The following WWOX variants were observed in gnomAD, a reference collection of about 807,000 sequenced individuals.
WWOX encodes the protein WW domain containing oxidoreductase, also known as WW domain-containing oxidoreductase.
In WWOX, 69 loss-of-function variants were observed where a neutral mutation model predicts 46.2. The observed-to-expected ratio is 1.49, with a 90% confidence interval of 1.23 to 1.82. The LOEUF is 1.82. WWOX is among the 40% of genes most tolerant of loss of function. The pLI is 0.00. For synonymous variants in WWOX, 359 were observed against 202.6 expected (o/e 1.77, Z -6.56); for missense variants, 919 against 542.6 (o/e 1.69, Z -6.89).
At chr16:78,538,421 G>C (rs1226879696) in intron 8 of WWOX, among the ~76,000 whole-genome samples, 1 of 152,034 alleles carries the variant, frequency 6.6e-6, no homozygotes, top group East Asian at 1.9e-4. Flanking sequence ...TGCAAGTTGA[G>C]GCCTGGTGTA....
intron 5 of WWOX, among the ~76,000 whole-genome samples, chr16:78,226,760 C>T (rs2037073811): frequency 6.6e-6 from 1 of 152,046 alleles, no homozygotes; most frequent in Admixed American, 6.5e-5. Context: ...GATGGGCACA[C>T]TATTACAGGT....
intron 8 of WWOX, among the ~76,000 whole-genome samples, chr16:78,724,497 T>A (rs982066671): frequency 5.3e-5 from 8 of 152,220 alleles, no homozygotes; most frequent in African/African-American, 1.9e-4. Context: ...TGTTTACGGT[T>A]ACTGATATTA....
chr16:78,361,986 A>ATTTTTTTTTT (rs1567525098), intron 5 of WWOX, among the ~76,000 whole-genome samples: 1 of 63,820 alleles, frequency 1.6e-5, no homozygotes. Flanking sequence ...TTTTTTTTTG[A>ATTTTTTTTTT]TTTATTAATA....
chr16:78,631,957 A>ATT (rs59745881), intron 8 of WWOX, among the ~76,000 whole-genome samples: 19,221 of 151,302 alleles, frequency 0.13, 1,807 homozygotes, highest in African/African-American at 0.27. Flanking sequence ...GAGGTGGTTT[A>ATT]TTTTTTTTTA....
At chr16:78,458,942 C>T (rs570415419) in intron 8 of WWOX, among the ~76,000 whole-genome samples, 1 of 152,192 alleles carries the variant, frequency 6.6e-6, no homozygotes, top group Non-Finnish European at 1.5e-5. Flanking sequence ...TCTGTGTCAC[C>T]TCAGCATTTA....
At chr16:78,121,203 A>C (rs756358546) in intron 4 of WWOX, among the ~76,000 whole-genome samples, 11 of 152,220 alleles carry the variant, frequency 7.2e-5, no homozygotes, top group Non-Finnish European at 1.5e-4. Flanking sequence ...GGAAAGGAAA[A>C]TATTCTGAAA....
chr16:78,909,387 T>G (rs1056732333), intron 8 of WWOX, among the ~76,000 whole-genome samples: 4 of 152,212 alleles, frequency 2.6e-5, no homozygotes, highest in Non-Finnish European at 5.9e-5. Flanking sequence ...CTGTTAAGAT[T>G]GTTATTAAAC....
intron 8 of WWOX, among the ~76,000 whole-genome samples, chr16:79,194,156 ATGTGAGTTGTTACT>A (rs912240895): frequency 1.1e-4 from 16 of 152,154 alleles, no homozygotes; most frequent in African/African-American, 3.6e-4. Flanking sequence ...TGTAGCTCCA[ATGTGAGTTGTTACT>A]TGTAGAGAAC....
rs754416280 is a variant in WWOX at position 79,085,106 on chromosome 16, C to CAT, written c.1057-126492_1057-126491dup. On this transcript the variant is annotated intron_variant, in intron 8 of 8. Coordinates refer to ENST00000566780, the MANE Select transcript of WWOX (RefSeq NM_016373.4). ...ACACTCAATTATACACTTAAATATA[C>CAT]ATATATATATACAATATACATATGT... 5.6e-3 allele frequency among the ~76,000 whole-genome samples: 854 copies of CAT among 152,056 alleles called. 13 individuals are homozygous for CAT. Among genetic ancestry groups the CAT allele is most frequent in the African/African-American group, 0.018 (764 of 41,470 alleles).
At chr16:78,187,064 A>G (rs999928153) in intron 5 of WWOX, among the ~76,000 whole-genome samples, 1 of 152,202 alleles carries the variant, frequency 6.6e-6, no homozygotes, top group African/African-American at 2.4e-5. Context: ...GTTTACCAAC[A>G]TCATAGTCAG....
chr16:78,584,196 A>G (rs2045135835), intron 8 of WWOX, among the ~76,000 whole-genome samples: 1 of 152,164 alleles, frequency 6.6e-6, no homozygotes, highest in Admixed American at 6.5e-5. Flanking sequence ...TGGCATAATC[A>G]TTGTCATCAC....
intron 8 of WWOX, among the ~76,000 whole-genome samples, chr16:79,094,024 G>A (rs1351258036): frequency 6.6e-6 from 1 of 152,188 alleles, no homozygotes; most frequent in African/African-American, 2.4e-5. Flanking sequence ...ATGAATGAAT[G>A]TCCATGGGGT....
intron 8 of WWOX, among the ~76,000 whole-genome samples, chr16:78,901,335 A>G (rs2044826391): frequency 6.6e-6 from 1 of 152,208 alleles, no homozygotes; most frequent in African/African-American, 2.4e-5. Context: ...AGAATATCCA[A>G]CACATTATAG....
At chr16:78,483,350 G>A (rs1457830623) in intron 8 of WWOX, among the ~76,000 whole-genome samples, 2 of 151,292 alleles carry the variant, frequency 1.3e-5, no homozygotes, top group East Asian at 1.9e-4. Flanking sequence ...TCTCCCGTCT[G>A]CAGAAGCATT....
At chr16:78,185,509 G>C (rs1164771047) in intron 5 of WWOX, among the ~76,000 whole-genome samples, 33 of 149,894 alleles carry the variant, frequency 2.2e-4, no homozygotes, top group Non-Finnish European at 4.1e-4. Context: ...TTTTAAGTAA[G>C]TTTACATGTA....
At chr16:79,060,667 A>G (rs141155228) in intron 8 of WWOX, among the ~76,000 whole-genome samples, 8 of 152,336 alleles carry the variant, frequency 5.3e-5, no homozygotes, top group East Asian at 1.9e-4. Flanking sequence ...TGTAAACCCA[A>G]TTACGAGCGG....
At chr16:79,001,785 G>C (rs767656958) in intron 8 of WWOX, among the ~76,000 whole-genome samples, 2 of 152,104 alleles carry the variant, frequency 1.3e-5, no homozygotes, top group Admixed American at 6.6e-5. Flanking sequence ...ACAAATGAAA[G>C]CCTCTCTGCA....
intron 5 of WWOX, among the ~76,000 whole-genome samples, chr16:78,376,664 G>C (rs1334088883): frequency 6.6e-6 from 1 of 152,134 alleles, no homozygotes; most frequent in African/African-American, 2.4e-5. Flanking sequence ...ATATTGAGTA[G>C]CATCCCTGAC....
intron 8 of WWOX, among the ~76,000 whole-genome samples, chr16:78,744,400 G>C (rs929039792): frequency 6.7e-6 from 1 of 149,278 alleles, no homozygotes; most frequent in Non-Finnish European, 1.5e-5. Flanking sequence ...GCCAGATTAG[G>C]AAGGGCCCAT....
Sources: gnomAD v4.1 joint callset for allele counts (sites outside exome capture counted in the v4.1 genomes callset) on GRCh38, gnomAD v4.1.1 for gene constraint, MANE v1.5 for transcripts, NCBI Gene and HGNC (gene_info 2026-07-23, HGNC 2026-07-21) for gene names.